CSMD1: variants seen among roughly 807,000 people sequenced by gnomAD.
The protein encoded by CSMD1 is CUB and Sushi multiple domains 1.
Under a neutral mutation model 417.5 loss-of-function variants are expected in CSMD1, and 213 were observed. The observed-to-expected ratio is 0.51, with a 90% CI of 0.46 to 0.57. CSMD1 has a LOEUF of 0.57. Ranked by LOEUF, CSMD1 falls within the 20% of genes least tolerant of loss-of-function variation. CSMD1 has a pLI of 0.00. For missense variants in CSMD1, 6,923 were observed against 4,529.7 expected (o/e 1.53, Z -15.17); for synonymous variants, 2,862 against 1,736.8 (o/e 1.65, Z -16.11).
At chr8:4,059,756 C>G (rs1194567856) in intron 3 of CSMD1, among the ~76,000 whole-genome samples, 2 of 152,022 alleles carry the variant, frequency 1.3e-5, no homozygotes, top group Non-Finnish European at 1.5e-5. Flanking sequence ...GAAGTTGAAT[C>G]TCTGAATAGA....
intron 3 of CSMD1, among the ~76,000 whole-genome samples, chr8:4,051,323 G>T (rs76540744): frequency 8.0e-6 from 1 of 124,246 alleles, no homozygotes; most frequent in Non-Finnish European, 1.7e-5. Context: ...AAAAAAAAAA[G>T]ATATGTACAA....
intron 18 of CSMD1, among the ~76,000 whole-genome samples, chr8:3,376,025 T>A (rs888983309): frequency 1.3e-5 from 2 of 152,186 alleles, no homozygotes; most frequent in African/African-American, 4.8e-5. Flanking sequence ...CTCATCCACT[T>A]TTCTGTGTCT....
chr8:3,349,771 A>T (rs1353308048), intron 21 of CSMD1, among the ~76,000 whole-genome samples: 1 of 140,310 alleles, frequency 7.1e-6, no homozygotes, highest in Non-Finnish European at 1.5e-5. Flanking sequence ...TATAAAATAG[A>T]TATAAGTCTA....
intron 3 of CSMD1, among the ~76,000 whole-genome samples, chr8:4,356,329 T>TACACAC (rs3990908): frequency 0.042 from 6,352 of 150,930 alleles, 419 homozygotes; most frequent in African/African-American, 0.13. Flanking sequence ...TCATATGTAA[T>TACACAC]ACACACACAC....
chr8:4,230,360 C>T (rs1022947685), intron 3 of CSMD1, among the ~76,000 whole-genome samples: 13 of 152,192 alleles, frequency 8.5e-5, no homozygotes, highest in African/African-American at 3.1e-4. Flanking sequence ...CGAGTAAACT[C>T]TGGTGACCTA....
chr8:3,989,651 T>C (rs1379328330), intron 5 of CSMD1, among the ~76,000 whole-genome samples: 3 of 152,248 alleles, frequency 2.0e-5, no homozygotes, highest in Non-Finnish European at 4.4e-5. Context: ...GTCTTTATGA[T>C]GTATATGTTT....
intron 3 of CSMD1, among the ~76,000 whole-genome samples, chr8:4,198,607 G>A (rs925653437): frequency 6.6e-6 from 1 of 152,246 alleles, no homozygotes; most frequent in Admixed American, 6.5e-5. Context: ...AACGTAATGA[G>A]TCTTTAAGCA....
At chr8:3,335,150 A>G (rs1033349755) in intron 23 of CSMD1, among the ~76,000 whole-genome samples, 1 of 152,052 alleles carries the variant, frequency 6.6e-6, no homozygotes, top group Non-Finnish European at 1.5e-5. Flanking sequence ...CTACACCACT[A>G]TGTTTCTCTC....
At chr8:3,898,614 T>C (rs1468086360) in intron 5 of CSMD1, among the ~76,000 whole-genome samples, 1 of 152,218 alleles carries the variant, frequency 6.6e-6, no homozygotes, top group East Asian at 1.9e-4. Context: ...GAATGTTTAC[T>C]AAATCAAAGG....
At chr8:3,583,438 T>G (rs4875741) in intron 9 of CSMD1, among the ~76,000 whole-genome samples, 62,618 of 151,546 alleles carry the variant, frequency 0.41, 13,216 homozygotes, top group Middle Eastern at 0.47. Context: ...TGGAAAGAGC[T>G]AGAGATATTC....
chr8:3,235,786 A>G (rs1045792265), intron 26 of CSMD1, among the ~76,000 whole-genome samples: 3 of 152,138 alleles, frequency 2.0e-5, no homozygotes, highest in African/African-American at 7.2e-5. Context: ...TTTATTTGGA[A>G]TACGTATAAC....
intron 20 of CSMD1, among the ~76,000 whole-genome samples, chr8:3,359,691 G>A (rs1809030627): frequency 1.3e-5 from 2 of 152,050 alleles, no homozygotes; most frequent in South Asian, 4.2e-4. Context: ...GCAGAGTAAG[G>A]TGACTATAGT....
rs1222479019 is a variant in CSMD1 at position 3,241,066 on chromosome 8, T to TGG, written c.4154-10836_4154-10835insCC. Among the ~76,000 whole-genome samples the TGG allele has an allele frequency of 3.4e-5, 5 of 147,288 alleles. 1 individual carries two copies. Among genetic ancestry groups the TGG allele is most frequent in the Admixed American group, 2.9e-4 (4 of 13,906 alleles). On this transcript the variant is annotated intron_variant, in intron 26 of 69. Coordinates refer to ENST00000635120, the MANE Select transcript of CSMD1 (RefSeq NM_033225.6). ...GGTATCTCATACTTGTGGGTTAAGG[T>TGG]GAGGGGATACAAGAGGAGGACGCAA...
At chr8:3,985,290 G>A (rs989314295) in intron 5 of CSMD1, among the ~76,000 whole-genome samples, 3 of 152,142 alleles carry the variant, frequency 2.0e-5, no homozygotes, top group Non-Finnish European at 2.9e-5. Flanking sequence ...AAGCACATTT[G>A]CAGATAATAA....
rs114954040 is a variant in CSMD1, at chr8:3,026,365, C to T, written c.7855+2954G>A. 6.6e-3 allele frequency among the ~76,000 whole-genome samples: 1,007 copies of T among 152,076 alleles called. 16 individuals carry two copies. Among genetic ancestry groups the T allele is most frequent in the African/African-American group, 0.023 (953 of 41,480 alleles). On this transcript the variant is annotated intron_variant, in intron 51 of 69. Transcript: ENST00000635120. ...CTGGATCCCACTGGAGCCCACTGGG[C>T]CTCACTGGACCTCACTGGACCTCAC...
chr8:4,801,161 C>G (rs1252836253), intron 1 of CSMD1, among the ~76,000 whole-genome samples: 3 of 152,202 alleles, frequency 2.0e-5, no homozygotes, highest in Admixed American at 1.3e-4. Flanking sequence ...AAATCAATGT[C>G]TTACTTCAGA....
intron 1 of CSMD1, among the ~76,000 whole-genome samples, chr8:4,978,987 G>A (rs1252316639): frequency 6.6e-6 from 1 of 152,146 alleles, no homozygotes; most frequent in Non-Finnish European, 1.5e-5. Flanking sequence ...GGAGAAAGTA[G>A]TAGCAAACCT....
At chr8:4,987,803 T>C (rs556513486) in intron 1 of CSMD1, among the ~76,000 whole-genome samples, 1 of 152,330 alleles carries the variant, frequency 6.6e-6, no homozygotes, top group South Asian at 2.1e-4. Context: ...GCCCACATGC[T>C]GAGTCTTCAG....
chr8:4,979,834 T>C (rs1455805398), intron 1 of CSMD1, among the ~76,000 whole-genome samples: 1 of 152,036 alleles, frequency 6.6e-6, no homozygotes, highest in Non-Finnish European at 1.5e-5. Flanking sequence ...TCAGCAGATC[T>C]AGATCATCCT....
Sources: allele counts gnomAD v4.1 joint callset (sites outside exome capture counted in the v4.1 genomes callset), GRCh38; gene constraint gnomAD v4.1.1; transcripts MANE v1.5; gene names NCBI Gene and HGNC (gene_info 2026-07-23, HGNC 2026-07-21).